The following PCDHA11 variants were observed in gnomAD, a reference collection of about 807,000 sequenced individuals.
The protein encoded by PCDHA11 is protocadherin alpha 11, also known as protocadherin alpha-11.
Under a neutral mutation model 70.3 loss-of-function variants are expected in PCDHA11, and 61 were observed. The ratio of observed to expected loss-of-function variants is 0.87; its 90% CI spans 0.71 to 1.07. The LOEUF (loss-of-function observed/expected upper bound fraction) is 1.07. Among genes scored for constraint, PCDHA11 ranks in the 50% least tolerant of loss-of-function variants. The pLI, the probability that PCDHA11 is intolerant of heterozygous loss-of-function variation, is 0.00. For synonymous variants in PCDHA11, 633 were observed against 555.1 expected (o/e 1.14, Z -1.97); for missense variants, 1,324 against 1,237.5 (o/e 1.07, Z -1.05).
intron 3 of PCDHA11, among the ~76,000 whole-genome samples, chr5:140,996,702 T>A (rs2097740306): frequency 6.6e-6 from 1 of 152,174 alleles, no homozygotes; most frequent in African/African-American, 2.4e-5. Context: ...TGAACCTCTA[T>A]CTCTTTGATT....
At chr5:140,968,992 T>C in intron 1 of PCDHA11, 1 of 1,614,220 alleles carries the variant, frequency 6.2e-7, no homozygotes, top group Non-Finnish European at 8.5e-7. Flanking sequence ...CTGCATGCTG[T>C]GGAGGCTTCT....
At chr5:140,916,270 G>T (rs1487301756) in intron 1 of PCDHA11, among the ~76,000 whole-genome samples, 2 of 152,180 alleles carry the variant, frequency 1.3e-5, no homozygotes, top group Non-Finnish European at 2.9e-5. Context: ...GAGCATGCTT[G>T]TTGCTCTACT....
intron 1 of PCDHA11, among the ~76,000 whole-genome samples, chr5:140,897,927 C>T (rs2066407931): frequency 6.6e-6 from 1 of 152,196 alleles, no homozygotes. Context: ...ATTTGCGTTT[C>T]TCTGATGGCC....
chr5:140,964,099 C>T (rs2095809950), intron 1 of PCDHA11, among the ~76,000 whole-genome samples: 1 of 152,142 alleles, frequency 6.6e-6, no homozygotes, highest in South Asian at 2.1e-4. Flanking sequence ...TAATTAACAA[C>T]AGTCTGAGCA....
intron 1 of PCDHA11, chr5:140,966,789 C>G (rs782194817): frequency 6.5e-7 from 1 of 1,528,572 alleles, no homozygotes; most frequent in East Asian, 2.4e-5. Context: ...GGCACCAGAC[C>G]TGCGGCGACA....
intron 1 of PCDHA11, chr5:140,968,393 C>T (rs747934843): frequency 1.8e-5 from 29 of 1,613,976 alleles, no homozygotes; most frequent in East Asian, 2.2e-5. Context: ...TGAGAAGTTT[C>T]GGGAGTTCTT....
intron 1 of PCDHA11, among the ~76,000 whole-genome samples, chr5:140,955,336 T>G (rs1294171389): frequency 1.3e-5 from 2 of 152,144 alleles, no homozygotes; most frequent in African/African-American, 2.4e-5. Context: ...GTTCCCATAA[T>G]CCCCACATGT....
At chr5:140,928,400 C>T (rs1441591334) in intron 1 of PCDHA11, 15 of 1,614,038 alleles carry the variant, frequency 9.3e-6, no homozygotes, top group Non-Finnish European at 1.3e-5. Context: ...GTGGAATCAT[C>T]CAGTGGGGCC....
intron 3 of PCDHA11, among the ~76,000 whole-genome samples, chr5:141,002,755 T>C (rs894161079): frequency 3.3e-5 from 5 of 152,174 alleles, no homozygotes; most frequent in Non-Finnish European, 7.3e-5. Flanking sequence ...GACAACCCTG[T>C]GATGTAGACA....
At chr5:140,902,709 TC>T (rs1248555909) in intron 1 of PCDHA11, among the ~76,000 whole-genome samples, 11 of 152,060 alleles carry the variant, frequency 7.2e-5, no homozygotes, top group Admixed American at 4.6e-4. Flanking sequence ...TATCTTTCAC[TC>T]CCCTCCCACC....
intron 1 of PCDHA11, chr5:140,883,974 G>C: frequency 6.2e-7 from 1 of 1,612,962 alleles, no homozygotes; most frequent in Non-Finnish European, 8.5e-7. Context: ...CTGACGCCCG[G>C]GGCTGGCAGC....
chr5:140,938,406 T>A (rs1283027205), intron 1 of PCDHA11, among the ~76,000 whole-genome samples: 1 of 152,240 alleles, frequency 6.6e-6, no homozygotes, highest in African/African-American at 2.4e-5. Context: ...ATTGTTTGAT[T>A]GGGTTTATTT....
intron 1 of PCDHA11, chr5:140,877,144 G>A (rs543806401): frequency 1.9e-6 from 3 of 1,613,772 alleles, no homozygotes; most frequent in South Asian, 2.2e-5. Context: ...CGTGCTGGAC[G>A]AGAACGACAA....
intron 1 of PCDHA11, chr5:140,967,672 C>T: frequency 1.2e-6 from 2 of 1,614,182 alleles, no homozygotes; most frequent in Non-Finnish European, 8.5e-7. Context: ...ACACGTCGGA[C>T]CGGGAGAGGC....
intron 1 of PCDHA11, chr5:140,928,383 G>T (rs1474490422): frequency 2.5e-6 from 4 of 1,613,920 alleles, no homozygotes; most frequent in South Asian, 1.1e-5. Context: ...CCTCTAGCTT[G>T]CTGGCAGTGG....
intron 3 of PCDHA11, among the ~76,000 whole-genome samples, chr5:140,986,055 T>C (rs2097185833): frequency 6.6e-6 from 1 of 152,164 alleles, no homozygotes; most frequent in African/African-American, 2.4e-5. Context: ...ATGAATTCTT[T>C]TGCTTTTTAA....
At position 140,870,821 on chromosome 5, in the gene PCDHA11, G is replaced by T; in HGVS notation, c.1718G>T (p.Gly573Val). The change falls in exon 1 of 4, where the codon GGA becomes GTA. Residue 573 changes from glycine (G) to valine (V), a missense_variant. Transcript: ENST00000398640. ...CTGGCGACTCAGGCTGGCAGCGCGG[G>T]AGGCGCAGTTAACAAGCTAGTACCG... ...ALLATQAGSA[G>V]GAVNKLVPRS... The T allele has an allele frequency of 1.9e-6, 3 of 1,613,736 alleles. No individual in the cohort carries two copies. Among genetic ancestry groups the T allele is most frequent in the South Asian group, 1.1e-5 (1 of 91,072 alleles).
chr5:140,870,825 C>T lies in PCDHA11; in HGVS notation c.1722C>T (p.Gly574=). The T allele has an allele frequency of 6.2e-7, 1 of 1,613,726 alleles. No homozygotes were observed. The highest frequency in any genetic ancestry group is 8.5e-7 in the Non-Finnish European group (1 of 1,179,890). ...LLATQAGSAG[G]AVNKLVPRSV... is the part of the protein sequence containing the mutation. Reference sequence around the variant, plus strand: ...CGACTCAGGCTGGCAGCGCGGGAGGCGCAGTTAACAAGCTAGTACCGCGGT... The same window carrying T: ...CGACTCAGGCTGGCAGCGCGGGAGGTGCAGTTAACAAGCTAGTACCGCGGT... The change falls in exon 1 of 4, where the codon GGC becomes GGT. Residue 574 remains glycine, a synonymous_variant. Coordinates refer to ENST00000398640, the MANE Select transcript of PCDHA11 (RefSeq NM_018902.5).
chr5:140,933,752 A>T (rs1308245960), intron 1 of PCDHA11, among the ~76,000 whole-genome samples: 1 of 152,068 alleles, frequency 6.6e-6, no homozygotes, highest in African/African-American at 2.4e-5. Context: ...AGAATTCACT[A>T]GTGAAGCTCT....
Sources: gnomAD v4.1 joint callset for allele counts (sites outside exome capture counted in the v4.1 genomes callset) on GRCh38, gnomAD v4.1.1 for gene constraint, MANE v1.5 for transcripts, NCBI Gene and HGNC (gene_info 2026-07-23, HGNC 2026-07-21) for gene names.